Variants in GLI2 observed in about 807,000 individuals in gnomAD.
GLI2 encodes transcription activator GLI2.
A neutral mutation model predicts 78.9 loss-of-function variants in GLI2; 22 were observed. The observed-to-expected ratio is 0.28, with a 90% CI of 0.20 to 0.40. GLI2 has a LOEUF of 0.40. Ranked by LOEUF, GLI2 falls within the 10% of genes least tolerant of loss-of-function variation. GLI2 has a pLI of 1.00. For missense variants in GLI2, 2,097 were observed against 2,213.2 expected (o/e 0.95, Z 1.05); for synonymous variants, 974 against 963.7 (o/e 1.01, Z -0.20).
At chr2:120,887,755 C>T (rs923701723) in intron 2 of GLI2, among the ~76,000 whole-genome samples, 39 of 152,178 alleles carry the variant, frequency 2.6e-4, no homozygotes, top group African/African-American at 8.7e-4. Context: ...TCGGGGGTCT[C>T]CTCCTTGGGA....
intron 1 of GLI2, among the ~76,000 whole-genome samples, chr2:120,780,948 G>A (rs1244819629): frequency 6.6e-6 from 1 of 152,166 alleles, no homozygotes; most frequent in African/African-American, 2.4e-5. Context: ...GGCAGCCCCA[G>A]CTGCCCTGGG....
At chr2:120,758,963 C>T (rs2104642333) in intron 1 of GLI2, among the ~76,000 whole-genome samples, 1 of 152,282 alleles carries the variant, frequency 6.6e-6, no homozygotes, top group East Asian at 1.9e-4. Flanking sequence ...GACACGATGA[C>T]TGGGGGCCAG....
Position 120,991,038 on chromosome 2 carries a change from A to C in GLI2, c.*363A>C. The C allele has an allele frequency of 4.4e-6, 1 of 227,532 alleles. No individual in the cohort carries two copies. The highest frequency in any genetic ancestry group is 8.7e-6 in the Non-Finnish European group (1 of 115,000). 14.1% of individuals were successfully genotyped at this position (227,532 alleles called of 1,614,324 possible). ...CAAAACCTTTCAAAGGATATGCAGA[A>C]AGATGGTAGGGAGCATTTGGGTTTG... On this transcript the variant is annotated 3_prime_UTR_variant, in exon 14 of 14. Coordinates refer to ENST00000361492, the MANE Select transcript of GLI2 (RefSeq NM_001374353.1).
intron 2 of GLI2, among the ~76,000 whole-genome samples, chr2:120,798,979 A>G (rs954880990): frequency 6.6e-6 from 1 of 151,906 alleles, no homozygotes; most frequent in Non-Finnish European, 1.5e-5. Context: ...TCCGCCCCAC[A>G]CCCTGCCTCT....
At chr2:120,922,536 C>T (rs1679429502) in intron 2 of GLI2, among the ~76,000 whole-genome samples, 1 of 152,154 alleles carries the variant, frequency 6.6e-6, no homozygotes, top group Admixed American at 6.5e-5. Context: ...AGTAGAGTCC[C>T]ACCACCCTGA....
intron 1 of GLI2, among the ~76,000 whole-genome samples, chr2:120,754,046 A>C (rs72835525): frequency 0.024 from 3,665 of 152,082 alleles, 69 homozygotes; most frequent in Non-Finnish European, 0.038. Flanking sequence ...TGTTATGTGG[A>C]TATATTGCGT....
At chr2:120,921,645 G>A (rs575452375) in intron 2 of GLI2, among the ~76,000 whole-genome samples, 1 of 152,330 alleles carries the variant, frequency 6.6e-6, no homozygotes, top group Admixed American at 6.5e-5. Context: ...GGCAGGGCCA[G>A]TCTGGGATTC....
At chr2:120,838,575 G>A (rs1686722152) in intron 2 of GLI2, among the ~76,000 whole-genome samples, 1 of 152,044 alleles carries the variant, frequency 6.6e-6, no homozygotes, top group Admixed American at 6.6e-5. Context: ...ATTTCTGATA[G>A]CCACATTGTC....
At chr2:120,796,763 G>C (rs1237326503) in intron 1 of GLI2, among the ~76,000 whole-genome samples, 1 of 152,184 alleles carries the variant, frequency 6.6e-6, no homozygotes, top group Non-Finnish European at 1.5e-5. Flanking sequence ...GCATACTAGG[G>C]GCTTAAAAAT....
chr2:120,896,550 A>C (rs1469758029), intron 2 of GLI2, among the ~76,000 whole-genome samples: 1 of 152,070 alleles, frequency 6.6e-6, no homozygotes, highest in African/African-American at 2.4e-5. Flanking sequence ...CAGCAGTAAA[A>C]ATTTTAGCAC....
At chr2:120,741,940 G>T (rs114588045) in intron 1 of GLI2, among the ~76,000 whole-genome samples, 1,739 of 152,278 alleles carry the variant, frequency 0.011, 34 homozygotes, top group African/African-American at 0.037. Context: ...CGGAGCGCGC[G>T]AGCGGCTCCC....
chr2:120,958,330 C>G (rs1229739414), intron 5 of GLI2, among the ~76,000 whole-genome samples: 1 of 152,182 alleles, frequency 6.6e-6, no homozygotes, highest in East Asian at 1.9e-4. Context: ...TCCACTCACT[C>G]TTGCAGGATT....
At chr2:120,798,328 G>A (rs370448060) in intron 2 of GLI2, among the ~76,000 whole-genome samples, 5 of 152,266 alleles carry the variant, frequency 3.3e-5, no homozygotes, top group South Asian at 2.1e-4. Context: ...TGGAGACCCC[G>A]ATTCAATTAA....
chr2:120,801,646 CT>C (rs1182167275), intron 2 of GLI2, among the ~76,000 whole-genome samples: 1 of 152,198 alleles, frequency 6.6e-6, no homozygotes, highest in Non-Finnish European at 1.5e-5. Flanking sequence ...TCAAGCACCC[CT>C]AGCAATGAGA....
At chr2:120,896,717 A>T (rs1390297142) in intron 2 of GLI2, among the ~76,000 whole-genome samples, 1 of 148,244 alleles carries the variant, frequency 6.7e-6, no homozygotes, top group Non-Finnish European at 1.5e-5. Context: ...ACACACACAC[A>T]CACACACACA....
intron 1 of GLI2, among the ~76,000 whole-genome samples, chr2:120,749,331 A>C (rs1389369687): frequency 6.6e-6 from 1 of 152,248 alleles, no homozygotes; most frequent in Non-Finnish European, 1.5e-5. Context: ...GAAAGCAAGC[A>C]CAATTATTAA....
At chr2:120,976,892 G>A (rs1224396214) in intron 9 of GLI2, among the ~76,000 whole-genome samples, 1 of 152,236 alleles carries the variant, frequency 6.6e-6, no homozygotes, top group Non-Finnish European at 1.5e-5. Flanking sequence ...GCGAGCTGGA[G>A]CCCCTGGTCG....
At chr2:120,844,871 T>C (rs1483607201) in intron 2 of GLI2, among the ~76,000 whole-genome samples, 1 of 152,134 alleles carries the variant, frequency 6.6e-6, no homozygotes, top group Non-Finnish European at 1.5e-5. Flanking sequence ...GCTTCACCTG[T>C]GAGTTGCTGC....
At chr2:120,848,358 T>C (rs1426458366) in intron 2 of GLI2, among the ~76,000 whole-genome samples, 4 of 152,170 alleles carry the variant, frequency 2.6e-5, no homozygotes, top group Non-Finnish European at 5.9e-5. Context: ...CCTCATCTTA[T>C]CACACCAGGA....
Sources: allele counts gnomAD v4.1 joint callset (sites outside exome capture counted in the v4.1 genomes callset), GRCh38; gene constraint gnomAD v4.1.1; transcripts MANE v1.5; gene names NCBI Gene and HGNC (gene_info 2026-07-23, HGNC 2026-07-21).